Variants in ABHD12 observed in about 807,000 individuals in gnomAD.
ABHD12 encodes the protein lysophosphatidylserine lipase ABHD12.
ABHD12 carries 43 observed loss-of-function variants against 58.3 expected under a neutral mutation model. That is an observed-to-expected ratio of 0.74 (90% CI 0.58 to 0.95). The LOEUF (loss-of-function observed/expected upper bound fraction) is 0.95, where lower values mean the gene tolerates loss of function less well. Among genes scored for constraint, ABHD12 ranks in the 40% least tolerant of loss-of-function variants. The probability of loss-of-function intolerance (pLI) is 0.00; values close to 1 mark genes in which losing one functional copy is unlikely to be tolerated. For synonymous variants in ABHD12, 219 were observed against 211.2 expected (o/e 1.04, Z -0.32); for missense variants, 539 against 537.2 (o/e 1.00, Z -0.03).
At chr20:25,349,418 T>C (rs992843842) in intron 1 of ABHD12, among the ~76,000 whole-genome samples, 1 of 152,222 alleles carries the variant, frequency 6.6e-6, no homozygotes, top group African/African-American at 2.4e-5. Flanking sequence ...TATCAAGGAC[T>C]GAAATAGATA....
chr20:25,337,713 T>G (rs1347961026), intron 2 of ABHD12, among the ~76,000 whole-genome samples: 1 of 152,264 alleles, frequency 6.6e-6, no homozygotes, highest in Non-Finnish European at 1.5e-5. Context: ...TGAGGTCTGC[T>G]GATGGTGAAT....
downstream of ABHD12, chr20:25,296,223 C>G (rs994178707): frequency 6.1e-6 from 6 of 988,566 alleles, no homozygotes; most frequent in Non-Finnish European, 9.1e-6. Flanking sequence ...TTTCAACGAA[C>G]AAGTGATTGT....
chr20:25,355,739 A>G (rs1444831136), intron 1 of ABHD12, among the ~76,000 whole-genome samples: 2 of 152,044 alleles, frequency 1.3e-5, no homozygotes, highest in Non-Finnish European at 2.9e-5. Flanking sequence ...TTGTATTTTT[A>G]GTAGAGACGG....
In ABHD12 at chr20:25,309,486, C is replaced by T. The variant is rs767716879; in HGVS notation, c.709G>A (p.Asp237Asn). 5.6e-5 allele frequency: 90 copies of T among 1,614,082 alleles called. No homozygotes were observed. Among genetic ancestry groups the T allele is most frequent in the Non-Finnish European group, 7.3e-5 (86 of 1,180,026 alleles). Residue 237 changes from aspartate (D) to asparagine (N), a missense_variant, in exon 7 of 13, where the codon GAC becomes AAC. Asp to Asn is a conservative substitution (Grantham distance 23). Transcript: ENST00000339157. The part of the protein sequence containing the change: ...VFDWIKARSG[D>N]NPVYIWGHSL... ...TGGCCCCAGATGTACACGGGGTTGT[C>T]ACCACTTCTTGCTTTGATCCAGTCA...
chr20:25,298,756 G>A (rs1216286659), downstream of ABHD12, among the ~76,000 whole-genome samples: 3 of 152,200 alleles, frequency 2.0e-5, no homozygotes, highest in African/African-American at 7.2e-5. Context: ...AAGAAATCAG[G>A]AGAAATGAGC....
At chr20:25,305,932 A>G (rs2145926236) in intron 10 of ABHD12, among the ~76,000 whole-genome samples, 1 of 152,286 alleles carries the variant, frequency 6.6e-6, no homozygotes, top group African/African-American at 2.4e-5. Flanking sequence ...TTGGGAGGCC[A>G]AGGCGAGCAG....
At chr20:25,388,270 C>T (rs925116524) in intron 1 of ABHD12, among the ~76,000 whole-genome samples, 3 of 152,106 alleles carry the variant, frequency 2.0e-5, no homozygotes, top group African/African-American at 7.2e-5. Flanking sequence ...GGCTCTGTGG[C>T]GCAATGGATA....
intron 1 of ABHD12, among the ~76,000 whole-genome samples, chr20:25,388,485 TGAG>T (rs1179052325): frequency 6.6e-6 from 1 of 151,954 alleles, no homozygotes; most frequent in Non-Finnish European, 1.5e-5. Flanking sequence ...AAGGCCTCAG[TGAG>T]GAGGAGGTGA....
chr20:25,316,971 G>A, intron 5 of ABHD12, 77 bp downstream of exon 5: 1 of 1,297,896 alleles, frequency 7.7e-7, no homozygotes, highest in East Asian at 2.3e-5. Context: ...CTCAAGCTGT[G>A]AGTCTGGTGA....
chr20:25,359,800 C>A (rs2089720633), intron 1 of ABHD12, among the ~76,000 whole-genome samples: 1 of 152,042 alleles, frequency 6.6e-6, no homozygotes, highest in South Asian at 2.1e-4. Context: ...GAACTCCTGG[C>A]CTCAAGTGAT....
chr20:25,366,922 C>A (rs2089830000), intron 1 of ABHD12, among the ~76,000 whole-genome samples: 1 of 152,158 alleles, frequency 6.6e-6, no homozygotes, highest in African/African-American at 2.4e-5. Flanking sequence ...CACCTCTCTT[C>A]TTTTTCCAGA....
rs201005732 is a variant in ABHD12 at position 25,309,598 on chromosome 20, C to T, written c.620-23G>A. 2.5e-5 allele frequency: 40 copies of T among 1,613,520 alleles called. 1 individual carries two copies. Among genetic ancestry groups the T allele is most frequent in the African/African-American group, 1.6e-4 (12 of 74,936 alleles). ...AACCTGGGAGGGAGAAACGGCAGGA[C>T]GGGGAGGTCAAAGGCAGCTCACAAA... On this transcript the variant is annotated intron_variant, in intron 6 of 12. Coordinates refer to ENST00000339157, the MANE Select transcript of ABHD12 (RefSeq NM_001042472.3).
Position 25,320,286 on chromosome 20 carries a change from G to A in ABHD12, c.455C>T (p.Ala152Val). 1 of 1,614,108 alleles carries A rather than the reference G, an allele frequency of 6.2e-7. No homozygotes were observed. The change falls in exon 4 of 13, where the codon GCC becomes GTC. Residue 152 changes from alanine to valine, a missense_variant. Physicochemically the swap from Ala to Val is moderately conservative, Grantham distance 64 (BLOSUM62 0). Transcript: ENST00000339157. ...ATACCACATCTGGTCTTTGCCTTGG[G>A]CGTTCTTCCACCAGACTGCAGGGAC... ...HTVPAVWWKNAQGKDQMWYED... is the reference protein window; with the variant it reads ...HTVPAVWWKNVQGKDQMWYED...
chr20:25,382,270 T>C (rs1049087312), intron 1 of ABHD12, among the ~76,000 whole-genome samples: 3 of 152,132 alleles, frequency 2.0e-5, no homozygotes, highest in Middle Eastern at 3.4e-3. Flanking sequence ...TGGGACAGTT[T>C]GGTTCCGGCA....
At chr20:25,363,585 G>C (rs1336597644) in intron 1 of ABHD12, among the ~76,000 whole-genome samples, 1 of 152,052 alleles carries the variant, frequency 6.6e-6, no homozygotes, top group Non-Finnish European at 1.5e-5. Flanking sequence ...AATTTTAAGG[G>C]GGCAGGCACG....
chr20:25,354,028 G>A (rs953824876), intron 1 of ABHD12, among the ~76,000 whole-genome samples: 7 of 152,202 alleles, frequency 4.6e-5, no homozygotes, highest in African/African-American at 7.2e-5. Flanking sequence ...AACCCAAGGG[G>A]AATGGGAATT....
chr20:25,374,775 C>T (rs946540078), intron 1 of ABHD12, among the ~76,000 whole-genome samples: 6 of 152,220 alleles, frequency 3.9e-5, no homozygotes, highest in African/African-American at 1.4e-4. Context: ...GCTGGGATTA[C>T]AGGTGTGAGC....
rs146578635 is a variant in ABHD12, at chr20:25,339,413, T to G, written c.192-62A>C. The G allele has an allele frequency of 2.4e-4, 392 of 1,611,432 alleles. 2 individuals are homozygous for G. The African/African-American group carries it at 4.4e-3, about 18-fold the overall frequency. On this transcript the variant is annotated intron_variant, in intron 1 of 12. Coordinates refer to ENST00000339157, the MANE Select transcript of ABHD12 (RefSeq NM_001042472.3). Reference sequence around the variant, plus strand: ...TAGGTGCCATTTTGCTGTAGTTTGTTAATAGTGTTATCAAAATCCCTAAAC... The same window carrying G: ...TAGGTGCCATTTTGCTGTAGTTTGTGAATAGTGTTATCAAAATCCCTAAAC...
At chr20:25,308,160 A>G in intron 8 of ABHD12, 115 bp from the exon 9 acceptor site, 1 of 821,352 alleles carries the variant, frequency 1.2e-6, no homozygotes, top group South Asian at 1.4e-5. Flanking sequence ...GCCTCCCACC[A>G]GGCAACCACC....
Sources: allele counts gnomAD v4.1 joint callset (sites outside exome capture counted in the v4.1 genomes callset), GRCh38; gene constraint gnomAD v4.1.1; transcripts MANE v1.5; gene names NCBI Gene and HGNC (gene_info 2026-07-23, HGNC 2026-07-21).